Variants in COP1 observed in about 807,000 individuals in gnomAD.
COP1 encodes COP1 E3 ubiquitin ligase, also known as E3 ubiquitin-protein ligase COP1.
A neutral mutation model predicts 101.3 loss-of-function variants in COP1; 24 were observed. The observed-to-expected ratio is 0.24, with a 90% confidence interval of 0.17 to 0.33. The LOEUF (loss-of-function observed/expected upper bound fraction) is 0.33, where lower values mean the gene tolerates loss of function less well. Ranked by LOEUF, COP1 falls within the 10% of genes least tolerant of loss-of-function variation. The pLI is 1.00. For synonymous variants in COP1, 347 were observed against 341.9 expected (o/e 1.01, Z -0.17); for missense variants, 663 against 906.2 (o/e 0.73, Z 3.45).
chr1:176,151,387 A>C (rs1486755236), intron 5 of COP1, among the ~76,000 whole-genome samples: 1 of 147,782 alleles, frequency 6.8e-6, no homozygotes, highest in Non-Finnish European at 1.5e-5. Context: ...GAAAGAAAGA[A>C]AGAAAGAAAG....
At chr1:175,947,354 C>T in intron 18 of COP1, 115 bp from the exon 19 acceptor site, 1 of 729,884 alleles carries the variant, frequency 1.4e-6, no homozygotes, top group Non-Finnish European at 2.4e-6. Flanking sequence ...ACAATTGAAT[C>T]TAATATGAAG....
At chr1:175,955,887 C>G (rs780110971) in intron 18 of COP1, among the ~76,000 whole-genome samples, 12 of 151,218 alleles carry the variant, frequency 7.9e-5, no homozygotes, top group Non-Finnish European at 1.6e-4. Context: ...TGTTCATAGA[C>G]CAGAGACTCA....
At chr1:176,139,257 T>C (rs1423481842) in intron 6 of COP1, among the ~76,000 whole-genome samples, 4 of 146,748 alleles carry the variant, frequency 2.7e-5, no homozygotes, top group Admixed American at 6.8e-5. Flanking sequence ...ATGGCAATTA[T>C]TGAAAAGTGA....
At chr1:176,002,162 T>A (rs1435034916) in intron 15 of COP1, among the ~76,000 whole-genome samples, 1 of 152,110 alleles carries the variant, frequency 6.6e-6, no homozygotes, top group African/African-American at 2.4e-5. Context: ...CCATCATTTC[T>A]ACAAATATTT....
At chr1:176,132,347 C>G (rs1291459556) in intron 8 of COP1, among the ~76,000 whole-genome samples, 1 of 151,808 alleles carries the variant, frequency 6.6e-6, no homozygotes, top group African/African-American at 2.4e-5. Flanking sequence ...AAAACAGAAT[C>G]CTCTTGCAAA....
intron 8 of COP1, among the ~76,000 whole-genome samples, chr1:176,116,918 T>G (rs1389456968): frequency 1.3e-5 from 2 of 152,130 alleles, no homozygotes; most frequent in Non-Finnish European, 2.9e-5. Context: ...ATAATGTCAA[T>G]AGGGGATAAT....
At chr1:176,167,488 C>T (rs1175978232) in intron 3 of COP1, among the ~76,000 whole-genome samples, 10 of 152,138 alleles carry the variant, frequency 6.6e-5, no homozygotes, top group African/African-American at 1.2e-4. Context: ...TGACATGCCA[C>T]GTTTAGCTAA....
At chr1:176,085,741 G>A (rs373352549) in intron 10 of COP1, 35 bp downstream of exon 10, 1 of 1,216,402 alleles carries the variant, frequency 8.2e-7, no homozygotes, top group Middle Eastern at 2.1e-4. Flanking sequence ...CTGAAATGTA[G>A]ATTTCAGATA....
intron 6 of COP1, among the ~76,000 whole-genome samples, chr1:176,139,294 A>AC (rs1368020425): frequency 2.0e-5 from 3 of 151,758 alleles, no homozygotes; most frequent in African/African-American, 7.3e-5. Flanking sequence ...AAAACAAAAA[A>AC]AAAAAACAAA....
chr1:176,151,998 C>T (rs560256966), intron 5 of COP1, among the ~76,000 whole-genome samples: 2 of 149,032 alleles, frequency 1.3e-5, no homozygotes, highest in South Asian at 2.1e-4. Context: ...GAATGGCATA[C>T]GCAAGTTATT....
At chr1:176,088,996 C>CG (rs1680750878) in intron 9 of COP1, among the ~76,000 whole-genome samples, 1 of 139,202 alleles carries the variant, frequency 7.2e-6, no homozygotes, top group Non-Finnish European at 1.5e-5. Context: ...ACTCAGTCTC[C>CG]AAAAAAAAAA....
At chr1:176,058,490 T>C (rs1307875170) in intron 11 of COP1, among the ~76,000 whole-genome samples, 1 of 152,138 alleles carries the variant, frequency 6.6e-6, no homozygotes, top group Non-Finnish European at 1.5e-5. Flanking sequence ...ACATGTGCTG[T>C]GTCCACTCAG....
intron 11 of COP1, among the ~76,000 whole-genome samples, chr1:176,066,264 C>T (rs946141080): frequency 6.6e-6 from 1 of 152,152 alleles, no homozygotes; most frequent in Non-Finnish European, 1.5e-5. Context: ...GAACCTCCCT[C>T]ACCTCTTCAG....
At chr1:175,994,028 A>T (rs995668436) in intron 15 of COP1, among the ~76,000 whole-genome samples, 11 of 152,250 alleles carry the variant, frequency 7.2e-5, no homozygotes, top group African/African-American at 2.7e-4. Flanking sequence ...GAAGCCCATC[A>T]GACTAAGAGG....
intron 11 of COP1, among the ~76,000 whole-genome samples, chr1:176,065,862 C>A (rs1227443544): frequency 6.6e-6 from 1 of 151,946 alleles, no homozygotes; most frequent in African/African-American, 2.4e-5. Context: ...TGCGCACCAC[C>A]ATGCTTGGCT....
intron 15 of COP1, among the ~76,000 whole-genome samples, chr1:176,016,991 T>C (rs1425141376): frequency 6.6e-6 from 1 of 152,190 alleles, no homozygotes; most frequent in African/African-American, 2.4e-5. Context: ...CAGAATAATT[T>C]CTAGTACAAC....
chr1:175,975,143 T>C (rs895340599), intron 18 of COP1, among the ~76,000 whole-genome samples: 4 of 152,166 alleles, frequency 2.6e-5, no homozygotes, highest in Admixed American at 2.0e-4. Flanking sequence ...CTCTGGTTGA[T>C]GCAAATCTCT....
intron 15 of COP1, among the ~76,000 whole-genome samples, chr1:176,001,774 T>C (rs1557888294): frequency 6.6e-6 from 1 of 152,120 alleles, no homozygotes. Context: ...GTATTTCTTA[T>C]GGGGTAGGTC....
chr1:176,138,895 C>A (rs1690209554), intron 6 of COP1, among the ~76,000 whole-genome samples: 1 of 152,142 alleles, frequency 6.6e-6, no homozygotes, highest in Non-Finnish European at 1.5e-5. Context: ...CCATGGTAAT[C>A]TCTTAAACAT....
Sources: allele counts gnomAD v4.1 joint callset (sites outside exome capture counted in the v4.1 genomes callset), GRCh38; gene constraint gnomAD v4.1.1; transcripts MANE v1.5; gene names NCBI Gene and HGNC (gene_info 2026-07-23, HGNC 2026-07-21).